The following ARFGEF3 variants were observed in gnomAD, a reference collection of about 807,000 sequenced individuals.
ARFGEF3 encodes the protein ARFGEF family member 3, also known as brefeldin A-inhibited guanine nucleotide-exchange protein 3.
A neutral mutation model predicts 221.7 loss-of-function variants in ARFGEF3; 96 were observed. The ratio of observed to expected loss-of-function variants is 0.43; its 90% CI spans 0.37 to 0.51. ARFGEF3 has a LOEUF of 0.51. ARFGEF3 is among the 20% of genes least tolerant of loss of function. ARFGEF3 has a pLI of 0.00. For missense variants in ARFGEF3, 2,410 were observed against 2,789.9 expected (o/e 0.86, Z 3.07); for synonymous variants, 1,145 against 1,126.8 (o/e 1.02, Z -0.32).
In ARFGEF3 at chr6:138,339,148, T is replaced by G. The variant is rs1355057670; in HGVS notation, c.*2662T>G. ...AACCATCACTGAGTGACAGCAGTAC[T>G]TCTCAGAGGTATTTGCAGCTTGATG... On this transcript the variant is annotated 3_prime_UTR_variant, in exon 34 of 34. Transcript: ENST00000251691. 1 of 152,266 alleles carries G rather than the reference T, an allele frequency of 6.6e-6. No homozygotes were observed. 9.4% of individuals were successfully genotyped at this position (152,266 alleles called of 1,614,324 possible).
intron 5 of ARFGEF3, among the ~76,000 whole-genome samples, chr6:138,236,320 G>A (rs186305580): frequency 1.1e-4 from 17 of 152,218 alleles, no homozygotes; most frequent in Non-Finnish European, 2.4e-4. Context: ...AAGATTTCTG[G>A]GGAAAATGTA....
chr6:138,339,756 T>C lies in ARFGEF3; in HGVS notation c.*3270T>C, dbSNP rs1229011324. On this transcript the variant is annotated 3_prime_UTR_variant, in exon 34 of 34. Transcript: ENST00000251691. ...CTCACCTAGCTCCTGTATCTCCTGA[T>C]CTGCTTTTAAAAATAGTTAGTTAGG... The C allele has an allele frequency of 6.6e-6, 1 of 152,236 alleles. No individual in the cohort carries two copies. Among genetic ancestry groups the C allele is most frequent in the Non-Finnish European group, 1.5e-5 (1 of 68,082 alleles). 9.4% of individuals were successfully genotyped at this position (152,236 alleles called of 1,614,324 possible).
chr6:138,226,208 G>A (rs1307183971), intron 4 of ARFGEF3, among the ~76,000 whole-genome samples: 1 of 152,126 alleles, frequency 6.6e-6, no homozygotes, highest in Non-Finnish European at 1.5e-5. Flanking sequence ...GCGATTCTGT[G>A]CTCATCATCA....
chr6:138,238,237 TC>T (rs1778330608), intron 5 of ARFGEF3, among the ~76,000 whole-genome samples: 1 of 152,216 alleles, frequency 6.6e-6, no homozygotes, highest in South Asian at 2.1e-4. Flanking sequence ...ATTTGGCACA[TC>T]TAAAAATCGC....
At chr6:138,198,803 ATTTG>A (rs1777480399) in intron 2 of ARFGEF3, among the ~76,000 whole-genome samples, 1 of 152,234 alleles carries the variant, frequency 6.6e-6, no homozygotes, top group Non-Finnish European at 1.5e-5. Context: ...AGTTCACATT[ATTTG>A]TTTGATGCCT....
chr6:138,232,976 C>A (rs1006196939), intron 5 of ARFGEF3, among the ~76,000 whole-genome samples: 1 of 152,148 alleles, frequency 6.6e-6, no homozygotes. Flanking sequence ...CAGAATCTTG[C>A]CATAATAATA....
At chr6:138,230,639 A>T (rs78195825) in intron 5 of ARFGEF3, among the ~76,000 whole-genome samples, 1,654 of 152,326 alleles carry the variant, frequency 0.011, 28 homozygotes, top group African/African-American at 0.037. Flanking sequence ...TGTGCTTTTT[A>T]TGGTATCATG....
chr6:138,193,108 G>T (rs1777341506), intron 2 of ARFGEF3, among the ~76,000 whole-genome samples: 1 of 152,144 alleles, frequency 6.6e-6, no homozygotes, highest in Non-Finnish European at 1.5e-5. Flanking sequence ...GCTCCTTTGT[G>T]AAATCATTTC....
chr6:138,238,877 T>C (rs1778342396), intron 6 of ARFGEF3, among the ~76,000 whole-genome samples: 2 of 152,378 alleles, frequency 1.3e-5, no homozygotes, highest in Non-Finnish European at 2.9e-5. Context: ...AACTTATTTT[T>C]TAATCATTGT....
chr6:138,338,747 C>A lies in ARFGEF3; in HGVS notation c.*2261C>A, dbSNP rs2114706897. 1 of 150,218 alleles carries A rather than the reference C, an allele frequency of 6.7e-6. No individual in the cohort carries two copies. The highest frequency in any genetic ancestry group is 1.9e-4 in the East Asian group (1 of 5,136). The allele number at this position is 150,218 out of a possible 1,614,324, so 9.3% of individuals were successfully genotyped here. A position where few individuals can be genotyped will look rare whatever the true frequency, so the allele number is the denominator to read the frequency against. ...CCCAGGAGGCGGACGTTGCAGTGAG[C>A]CAAGATTGCACCATTGCACTCCAGA... On this transcript the variant is annotated 3_prime_UTR_variant, in exon 34 of 34. Coordinates refer to ENST00000251691, the MANE Select transcript of ARFGEF3 (RefSeq NM_020340.5).
chr6:138,218,625 G>A (rs755936111), intron 4 of ARFGEF3: 11 of 802,478 alleles, frequency 1.4e-5, no homozygotes, highest in Non-Finnish European at 1.7e-5. Context: ...TATTGTTTCA[G>A]ATGTAGAGAA....
chr6:138,213,248 A>T (rs1426992647), intron 4 of ARFGEF3, among the ~76,000 whole-genome samples: 1 of 149,920 alleles, frequency 6.7e-6, no homozygotes, highest in Non-Finnish European at 1.5e-5. Context: ...AGATCGTGCC[A>T]CTGCACTCCA....
intron 17 of ARFGEF3, among the ~76,000 whole-genome samples, chr6:138,287,474 A>C (rs571758519): frequency 7.2e-5 from 11 of 152,234 alleles, no homozygotes; most frequent in Non-Finnish European, 1.6e-4. Flanking sequence ...CCTGTCATCT[A>C]GTCACTGGCT....
At chr6:138,269,678 C>T (rs1292269381) in intron 12 of ARFGEF3, among the ~76,000 whole-genome samples, 1 of 151,888 alleles carries the variant, frequency 6.6e-6, no homozygotes, top group Non-Finnish European at 1.5e-5. Flanking sequence ...CATGGTGGTG[C>T]GTGCCTGTAG....
intron 10 of ARFGEF3, among the ~76,000 whole-genome samples, chr6:138,257,919 A>G (rs1778715632): frequency 6.6e-6 from 1 of 152,256 alleles, no homozygotes; most frequent in Admixed American, 6.5e-5. Context: ...CTAAACAAAT[A>G]TGTGGTGTAC....
intron 20 of ARFGEF3, among the ~76,000 whole-genome samples, chr6:138,294,409 G>A (rs906510819): frequency 3.9e-5 from 6 of 152,206 alleles, no homozygotes; most frequent in African/African-American, 1.4e-4. Context: ...GGTAGAAATT[G>A]TGTGGCTCCT....
intron 4 of ARFGEF3, among the ~76,000 whole-genome samples, chr6:138,215,237 C>T (rs1777818693): frequency 1.3e-5 from 2 of 152,084 alleles, no homozygotes; most frequent in South Asian, 4.1e-4. Context: ...GCTGAGTCTT[C>T]AAAGGCTGCC....
intron 1 of ARFGEF3, among the ~76,000 whole-genome samples, chr6:138,165,150 C>T (rs748666171): frequency 5.3e-5 from 8 of 150,306 alleles, no homozygotes; most frequent in Non-Finnish European, 1.0e-4. Flanking sequence ...GGGGCATCCC[C>T]GTCTGAGACC....
intron 4 of ARFGEF3, among the ~76,000 whole-genome samples, chr6:138,226,437 C>T (rs1778085619): frequency 6.6e-6 from 1 of 152,140 alleles, no homozygotes; most frequent in African/African-American, 2.4e-5. Context: ...CTTTTATTAG[C>T]CATTGTAATG....
Sources: allele counts gnomAD v4.1 joint callset (sites outside exome capture counted in the v4.1 genomes callset), GRCh38; gene constraint gnomAD v4.1.1; transcripts MANE v1.5; gene names NCBI Gene and HGNC (gene_info 2026-07-23, HGNC 2026-07-21).